Variants in SENP6 observed in about 807,000 individuals in gnomAD.
SENP6 encodes the protein sentrin-specific protease 6.
In SENP6, 41 loss-of-function variants were observed where a neutral mutation model predicts 134.5. The observed-to-expected ratio is 0.30, with a 90% CI of 0.24 to 0.40. The LOEUF (loss-of-function observed/expected upper bound fraction) is 0.40, where lower values mean the gene tolerates loss of function less well. SENP6 is among the 10% of genes least tolerant of loss of function. The pLI is 1.00. For synonymous variants in SENP6, 395 were observed against 429.8 expected, an observed-to-expected ratio of 0.92 and a Z score of 1.00; for missense variants, 1,248 against 1,312.5, an observed-to-expected ratio of 0.95 and a Z score of 0.76.
intron 1 of SENP6, among the ~76,000 whole-genome samples, chr6:75,613,933 A>G (rs1384159999): frequency 2.0e-5 from 3 of 152,216 alleles, no homozygotes; most frequent in Non-Finnish European, 1.5e-5. Flanking sequence ...GATGTATTGC[A>G]TTGATTGTTA....
At chr6:75,678,770 T>C in intron 15 of SENP6, 41 bp from the exon 16 acceptor site, 1 of 1,376,344 alleles carries the variant, frequency 7.3e-7, no homozygotes, top group Non-Finnish European at 1.0e-6. Context: ...TGTATATATA[T>C]ATAGATTTGT....
intron 3 of SENP6, among the ~76,000 whole-genome samples, chr6:75,624,605 A>C (rs183775787): frequency 6.6e-6 from 1 of 152,102 alleles, no homozygotes; most frequent in Non-Finnish European, 1.5e-5. Flanking sequence ...TGTAGTTTTA[A>C]TTTCCATTTT....
chr6:75,613,341 C>G (rs988191210), intron 1 of SENP6, among the ~76,000 whole-genome samples: 4 of 152,146 alleles, frequency 2.6e-5, no homozygotes, highest in African/African-American at 9.7e-5. Context: ...TTATCCCTGC[C>G]TTCTCATTGA....
intron 19 of SENP6, among the ~76,000 whole-genome samples, chr6:75,708,344 C>A (rs1451531138): frequency 6.6e-6 from 1 of 152,174 alleles, no homozygotes; most frequent in Admixed American, 6.5e-5. Flanking sequence ...TATCTTAACA[C>A]CTTTTTATTA....
At chr6:75,629,169 A>T (rs941855263) in intron 3 of SENP6, among the ~76,000 whole-genome samples, 1 of 152,250 alleles carries the variant, frequency 6.6e-6, no homozygotes, top group Non-Finnish European at 1.5e-5. Context: ...CAAGATTTGA[A>T]TAGCTAGTAT....
At chr6:75,653,470 T>A (rs1213194782) in intron 7 of SENP6, among the ~76,000 whole-genome samples, 1 of 152,226 alleles carries the variant, frequency 6.6e-6, no homozygotes, top group African/African-American at 2.4e-5. Flanking sequence ...CAAAAGTCCT[T>A]GTAGATTTAT....
At chr6:75,692,018 G>A (rs1475647414) in intron 16 of SENP6, among the ~76,000 whole-genome samples, 3 of 151,862 alleles carry the variant, frequency 2.0e-5, no homozygotes, top group African/African-American at 4.8e-5. Context: ...TACCACACCC[G>A]GCTAGTTTTG....
At chr6:75,663,143 C>A in intron 8 of SENP6, 78 bp from the exon 9 acceptor site, 1 of 1,325,630 alleles carries the variant, frequency 7.5e-7, no homozygotes, top group Non-Finnish European at 1.1e-6. Flanking sequence ...AGTTTATGAA[C>A]ACCGTGAATG....
intron 11 of SENP6, among the ~76,000 whole-genome samples, chr6:75,673,882 G>C (rs1482057399): frequency 6.6e-6 from 1 of 151,764 alleles, no homozygotes; most frequent in African/African-American, 2.4e-5. Context: ...TTAGTGGGGT[G>C]TGGTGGCGTG....
At chr6:75,650,704 G>A (rs1221601494) in intron 7 of SENP6, among the ~76,000 whole-genome samples, 2 of 152,088 alleles carry the variant, frequency 1.3e-5, no homozygotes, top group Non-Finnish European at 2.9e-5. Flanking sequence ...GTGTTAGGTA[G>A]GTACATGTAT....
At chr6:75,626,676 A>G (rs1356828191) in intron 3 of SENP6, among the ~76,000 whole-genome samples, 1 of 152,162 alleles carries the variant, frequency 6.6e-6, no homozygotes, top group African/African-American at 2.4e-5. Context: ...TTGCTATTTC[A>G]GAGGTGAAAT....
At chr6:75,645,965 AAAGATGGCTCAGTACAC>A (rs1168048401) in intron 6 of SENP6, among the ~76,000 whole-genome samples, 1 of 152,232 alleles carries the variant, frequency 6.6e-6, no homozygotes, top group African/African-American at 2.4e-5. Context: ...CCTCATTAGC[AAAGATGGCTCAGTACAC>A]AAGTTCAAAT....
In SENP6 at chr6:75,691,610, T is replaced by C. The variant is rs547618646; in HGVS notation, c.2076-4194T>C. Among the ~76,000 whole-genome samples, 10 of 152,202 alleles carry C rather than the reference T, an allele frequency of 6.6e-5. No homozygotes were observed. In the East Asian group the frequency reaches 1.7e-3, roughly 26 times the overall value. ...TTGTTTTTTGTTTTTGTTTTTTGTT[T>C]TTTTTTTGAGACGGAGCCTCGCTCT... On this transcript the variant is annotated intron_variant, in intron 16 of 23. Coordinates refer to ENST00000447266, the MANE Select transcript of SENP6 (RefSeq NM_015571.4).
chr6:75,707,893 T>G (rs1775510877), intron 19 of SENP6, among the ~76,000 whole-genome samples: 2 of 152,048 alleles, frequency 1.3e-5, no homozygotes, highest in Admixed American at 6.5e-5. Flanking sequence ...CTCACTATGT[T>G]GCCCAGGTGA....
intron 11 of SENP6, among the ~76,000 whole-genome samples, chr6:75,671,001 C>T (rs1394881097): frequency 1.3e-5 from 2 of 151,824 alleles, no homozygotes; most frequent in Non-Finnish European, 2.9e-5. Flanking sequence ...TTAGTATCAT[C>T]CCAGCTAAGT....
At chr6:75,608,426 T>A (rs994773026) in intron 1 of SENP6, among the ~76,000 whole-genome samples, 1 of 150,380 alleles carries the variant, frequency 6.6e-6, no homozygotes, top group Non-Finnish European at 1.5e-5. Context: ...GACACTGCAC[T>A]TCAGCCTGGG....
intron 11 of SENP6, among the ~76,000 whole-genome samples, chr6:75,674,095 A>G (rs1772893286): frequency 6.6e-6 from 1 of 151,750 alleles, no homozygotes; most frequent in South Asian, 2.1e-4. Context: ...CATTTTTCCA[A>G]AACATATAAT....
At position 75,677,221 on chromosome 6, in the gene SENP6, G is replaced by A. The variant is rs756724519; in HGVS notation, c.1813G>A (p.Gly605Arg). 6.2e-5 allele frequency: 99 copies of A among 1,597,644 alleles called. No homozygotes were observed. Among genetic ancestry groups the A allele is most frequent in the Non-Finnish European group, 8.0e-5 (94 of 1,172,536 alleles). ...AAGAACCTATGAAGAGAGCATCAAA[G>A]GAAGTTGTGGGCAAAAGGAAAACAA... Reference protein sequence around the residue: ...CTRTYEESIKGSCGQKENKIK... With the variant: ...CTRTYEESIKRSCGQKENKIK... The change falls in exon 14 of 24, where the codon GGA becomes AGA. Residue 605 changes from glycine to arginine, a missense_variant. Transcript: ENST00000447266.
At chr6:75,652,871 G>A (rs1348851813) in intron 7 of SENP6, among the ~76,000 whole-genome samples, 1 of 151,918 alleles carries the variant, frequency 6.6e-6, no homozygotes. Flanking sequence ...TAACTGGTGA[G>A]ATATCTTACT....
Sources: allele counts gnomAD v4.1 joint callset (sites outside exome capture counted in the v4.1 genomes callset), GRCh38; gene constraint gnomAD v4.1.1; transcripts MANE v1.5; gene names NCBI Gene and HGNC (gene_info 2026-07-23, HGNC 2026-07-21).